CSMD1: variants seen among roughly 807,000 people sequenced by gnomAD.
CSMD1 encodes CUB and Sushi multiple domains 1.
CSMD1 carries 213 observed loss-of-function variants against 417.5 expected under a neutral mutation model. That is an observed-to-expected ratio of 0.51 (90% CI 0.46 to 0.57). CSMD1 has a LOEUF of 0.57. Among genes scored for constraint, CSMD1 ranks in the 20% least tolerant of loss-of-function variants. The probability of loss-of-function intolerance (pLI) is 0.00; values close to 1 mark genes in which losing one functional copy is unlikely to be tolerated. For synonymous variants in CSMD1, 2,862 were observed against 1,736.8 expected, an observed-to-expected ratio of 1.65 and a Z score of -16.11; for missense variants, 6,923 against 4,529.7, an observed-to-expected ratio of 1.53 and a Z score of -15.17.
chr8:4,129,666 T>C (rs1007585748), intron 3 of CSMD1, among the ~76,000 whole-genome samples: 6 of 152,192 alleles, frequency 3.9e-5, no homozygotes, highest in South Asian at 2.1e-4. Context: ...GTCCCAATGT[T>C]CTGAAATCAC....
chr8:4,922,894 G>C (rs984819486), intron 1 of CSMD1, among the ~76,000 whole-genome samples: 4 of 152,140 alleles, frequency 2.6e-5, no homozygotes, highest in Non-Finnish European at 2.9e-5. Context: ...AGCCTCAAAA[G>C]AGTCTCTCAC....
At chr8:3,091,895 A>G (rs1563329955) in intron 47 of CSMD1, among the ~76,000 whole-genome samples, 1 of 152,210 alleles carries the variant, frequency 6.6e-6, no homozygotes, top group Non-Finnish European at 1.5e-5. Context: ...ATGGTGTCAT[A>G]TTTAAATAAG....
At chr8:4,679,467 C>A (rs1446232158) in intron 1 of CSMD1, among the ~76,000 whole-genome samples, 2 of 152,204 alleles carry the variant, frequency 1.3e-5, no homozygotes, top group African/African-American at 4.8e-5. Context: ...TCCTCACTCC[C>A]TCTATATACC....
intron 1 of CSMD1, among the ~76,000 whole-genome samples, chr8:4,938,621 C>T (rs1204995673): frequency 1.3e-5 from 2 of 152,098 alleles, no homozygotes; most frequent in African/African-American, 4.8e-5. Context: ...TATACAAGCA[C>T]ATTTACATAA....
intron 7 of CSMD1, among the ~76,000 whole-genome samples, chr8:3,675,347 T>C (rs547329812): frequency 8.5e-5 from 13 of 152,322 alleles, no homozygotes; most frequent in African/African-American, 2.9e-4. Context: ...TTGCTATCCA[T>C]GTAGCCTCCA....
intron 1 of CSMD1, among the ~76,000 whole-genome samples, chr8:4,694,596 C>A (rs1211971992): frequency 6.6e-6 from 1 of 151,986 alleles, no homozygotes; most frequent in Non-Finnish European, 1.5e-5. Context: ...ATCTCCTGAC[C>A]TCATGACCTG....
At chr8:4,774,051 G>C (rs1266365330) in intron 1 of CSMD1, among the ~76,000 whole-genome samples, 2 of 151,934 alleles carry the variant, frequency 1.3e-5, no homozygotes, top group African/African-American at 2.4e-5. Flanking sequence ...CAAAATATTA[G>C]CTGGGCATGG....
intron 5 of CSMD1, among the ~76,000 whole-genome samples, chr8:3,812,866 G>A (rs1199136410): frequency 6.6e-6 from 1 of 152,106 alleles, no homozygotes; most frequent in Non-Finnish European, 1.5e-5. Flanking sequence ...ATTGGCCAAC[G>A]AGGACCAGTT....
At chr8:3,301,128 G>GT (rs371244247) in intron 25 of CSMD1, among the ~76,000 whole-genome samples, 97 of 150,964 alleles carry the variant, frequency 6.4e-4, no homozygotes, top group South Asian at 4.0e-3. Flanking sequence ...TTCTTCAATT[G>GT]TTTTTTTTTA....
chr8:3,776,870 C>T (rs1798919490), intron 5 of CSMD1, among the ~76,000 whole-genome samples: 1 of 147,178 alleles, frequency 6.8e-6, no homozygotes, highest in Non-Finnish European at 1.5e-5. Flanking sequence ...ACAAAGATAG[C>T]TGATAGATAT....
chr8:4,249,336 T>C (rs1460740221), intron 3 of CSMD1, among the ~76,000 whole-genome samples: 2 of 152,184 alleles, frequency 1.3e-5, no homozygotes, highest in Non-Finnish European at 2.9e-5. Flanking sequence ...TCTAAGAGGA[T>C]GGAATAAAGC....
At chr8:3,613,331 AT>A in intron 8 of CSMD1, 1 of 414,654 alleles carries the variant, frequency 2.4e-6, no homozygotes, top group Non-Finnish European at 4.8e-6. Context: ...TATTCCAAAC[AT>A]TTAGCAATGA....
intron 3 of CSMD1, among the ~76,000 whole-genome samples, chr8:4,349,910 AG>A (rs1295122220): frequency 2.0e-4 from 31 of 152,052 alleles, no homozygotes; most frequent in African/African-American, 7.2e-4. Flanking sequence ...ATTAGCAAAA[AG>A]GTTGTGCTAT....
At chr8:4,385,947 T>C (rs1803419202) in intron 3 of CSMD1, among the ~76,000 whole-genome samples, 1 of 152,176 alleles carries the variant, frequency 6.6e-6, no homozygotes, top group South Asian at 2.1e-4. Context: ...AACATTCAGA[T>C]ACCCAACCCA....
At chr8:4,149,011 T>G (rs1165660309) in intron 3 of CSMD1, among the ~76,000 whole-genome samples, 2 of 151,754 alleles carry the variant, frequency 1.3e-5, no homozygotes, top group East Asian at 1.9e-4. Flanking sequence ...TTGCCCAGGC[T>G]GGAGTGCAGT....
At chr8:4,578,858 G>A (rs543219438) in intron 2 of CSMD1, among the ~76,000 whole-genome samples, 36 of 148,178 alleles carry the variant, frequency 2.4e-4, no homozygotes, top group South Asian at 6.5e-4. Flanking sequence ...CAGAAATGGC[G>A]GCATTATAGA....
rs936949812 is a variant in CSMD1 at position 3,174,826 on chromosome 8, C to CT, written c.5725+6283dup. ...ATTAAATTTTTTTTTATTGTACACA[C>CT]TTTTTTTATGTTGCATCAAACACTT... On this transcript the variant is annotated intron_variant, in intron 37 of 69. Coordinates refer to ENST00000635120, the MANE Select transcript of CSMD1 (RefSeq NM_033225.6). Among the ~76,000 whole-genome samples the CT allele has an allele frequency of 5.9e-5, 9 of 151,980 alleles. No homozygotes were observed. In the East Asian group the frequency reaches 7.7e-4, roughly 13 times the overall value.
chr8:4,549,232 A>G (rs1364302948), intron 2 of CSMD1, among the ~76,000 whole-genome samples: 1 of 152,144 alleles, frequency 6.6e-6, no homozygotes, highest in Non-Finnish European at 1.5e-5. Context: ...AATGTTATCA[A>G]CCCTACCATA....
chr8:3,880,536 T>C (rs1247116194), intron 5 of CSMD1, among the ~76,000 whole-genome samples: 6 of 152,228 alleles, frequency 3.9e-5, no homozygotes, highest in Non-Finnish European at 8.8e-5. Context: ...TAGTTTATTT[T>C]ACTAAGTGCT....
Sources: allele counts gnomAD v4.1 joint callset (sites outside exome capture counted in the v4.1 genomes callset), GRCh38; gene constraint gnomAD v4.1.1; transcripts MANE v1.5; gene names NCBI Gene and HGNC (gene_info 2026-07-23, HGNC 2026-07-21).